KIAA1614: variants seen among roughly 807,000 people sequenced by gnomAD.
KIAA1614 encodes the protein KIAA1614.
A neutral mutation model predicts 88.7 loss-of-function variants in KIAA1614; 76 were observed. The observed-to-expected ratio is 0.86, with a 90% CI of 0.71 to 1.04. The LOEUF (loss-of-function observed/expected upper bound fraction) is 1.04, where lower values mean the gene tolerates loss of function less well. Ranked by LOEUF, KIAA1614 falls within the 50% of genes least tolerant of loss-of-function variation. KIAA1614 has a pLI of 0.00. For missense variants in KIAA1614, 1,553 were observed against 1,582.5 expected, an observed-to-expected ratio of 0.98 and a Z score of 0.32; for synonymous variants, 714 against 675.5, an observed-to-expected ratio of 1.06 and a Z score of -0.88.
At chr1:180,936,725 A>G (rs1654344919) in intron 5 of KIAA1614, 55 bp downstream of exon 5, 1 of 1,210,100 alleles carries the variant, frequency 8.3e-7, no homozygotes, top group Non-Finnish European at 1.1e-6. Flanking sequence ...GTTCTACAGC[A>G]GACGCCCAGA....
rs1654612377 is a variant in KIAA1614 at position 180,947,026 on chromosome 1, T to C, written c.*1438T>C. The C allele has an allele frequency of 6.6e-6, 1 of 152,286 alleles. No individual in the cohort carries two copies. The highest frequency in any genetic ancestry group is 6.5e-5 in the Admixed American group (1 of 15,288). 9.4% of individuals were successfully genotyped at this position (152,286 alleles called of 1,614,324 possible). A position where few individuals can be genotyped will look rare whatever the true frequency, so the allele number is the denominator to read the frequency against. ...AAAGCAGGTGTGGCAGGTGCTGGTA[T>C]AGACAGGAGTGTGGGGAGGCTTTTC... On this transcript the variant is annotated 3_prime_UTR_variant, in exon 9 of 9. Transcript: ENST00000367588.
At chr1:180,924,808 T>G (rs1378198382) in intron 3 of KIAA1614, among the ~76,000 whole-genome samples, 1 of 151,922 alleles carries the variant, frequency 6.6e-6, no homozygotes, top group Non-Finnish European at 1.5e-5. Context: ...CAGGTGACTT[T>G]AGTACATATT....
intron 4 of KIAA1614, among the ~76,000 whole-genome samples, chr1:180,929,254 G>A (rs1376261144): frequency 6.6e-6 from 1 of 152,218 alleles, no homozygotes. Flanking sequence ...AGTGAGTGCT[G>A]CAGGACTGTG....
rs1654316956 is a variant in KIAA1614 at position 180,935,752 on chromosome 1, A to G, written c.1843A>G (p.Thr615Ala). 6.2e-7 allele frequency: 1 copy of G among 1,613,774 alleles called. No individual in the cohort carries two copies. Among genetic ancestry groups the G allele is most frequent in the Non-Finnish European group, 8.5e-7 (1 of 1,179,962 alleles). ...PAEVDSALDS[T>A]DNSDNCRTDS... is the part of the protein sequence containing the mutation. ...GGAGGTGGACTCTGCCCTGGACAGC[A>G]CAGACAACTCTGACAACTGCAGGAC... is the stretch of plus-strand genomic sequence containing the variant. Residue 615 changes from threonine to alanine, a missense_variant, in exon 5 of 9, where the codon ACA becomes GCA. Thr to Ala is a moderately conservative substitution (Grantham distance 58, BLOSUM62 0). Transcript: ENST00000367588. The surrounding 1 kb of genome is among the most constrained non-coding windows in gnomAD (Gnocchi z 6.1).
Position 180,913,143 on chromosome 1 carries a change from A to C in KIAA1614, c.-101A>C, listed in dbSNP as rs1653692137. 1.1e-6 allele frequency: 1 copy of C among 948,758 alleles called. No individual in the cohort carries two copies. The highest frequency in any genetic ancestry group is 1.4e-6 in the Non-Finnish European group (1 of 725,668). 58.8% of individuals were successfully genotyped at this position (948,758 alleles called of 1,614,324 possible). On this transcript the variant is annotated 5_prime_UTR_variant, in exon 1 of 9. Transcript: ENST00000367588. ...CCGAGGGGCGAGGCCTGCGGGCCGC[A>C]CTCCCTCCGGCCCCGGATTCGGGGC...
At chr1:180,938,743 A>G in intron 6 of KIAA1614, 32 bp downstream of exon 6, 3 of 1,608,826 alleles carry the variant, frequency 1.9e-6, no homozygotes, top group Non-Finnish European at 1.7e-6. Flanking sequence ...CAGATTGCAG[A>G]AGGAGGTGGG....
Position 180,935,941 on chromosome 1 carries a change from C to T in KIAA1614, c.2032C>T (p.Pro678Ser). 6.2e-7 allele frequency: 1 copy of T among 1,614,024 alleles called. No homozygotes were observed. The highest frequency in any genetic ancestry group is 8.5e-7 in the Non-Finnish European group (1 of 1,179,920). The change falls in exon 5 of 9, where the codon CCT becomes TCT. Residue 678 changes from proline to serine, a missense_variant. Physicochemically the swap from Pro to Ser is moderately conservative, Grantham distance 74 (BLOSUM62 -1). Coordinates refer to ENST00000367588, the MANE Select transcript of KIAA1614 (RefSeq NM_020950.2). The surrounding 1 kb of genome is among the most constrained non-coding windows in gnomAD (Gnocchi z 6.1). ...GGGCCTTCAGGCCCAGCAACACCTG[C>T]CTAGGGCTGATGATGTGGAGGTGGA... Reference protein sequence around the residue: ...PWGLQAQQHLPRADDVEVENE... With the variant: ...PWGLQAQQHLSRADDVEVENE...
chr1:180,923,185 A>T (rs1333700806), intron 3 of KIAA1614, among the ~76,000 whole-genome samples: 2 of 152,160 alleles, frequency 1.3e-5, no homozygotes, highest in Non-Finnish European at 2.9e-5. Flanking sequence ...AGGCCTCATT[A>T]TGTAGGCATG....
rs536565441 is a variant in KIAA1614, at chr1:180,935,940, G to T, written c.2031G>T (p.Leu677=). ...GGGGCCTTCAGGCCCAGCAACACCT[G>T]CCTAGGGCTGATGATGTGGAGGTGG... ...LPWGLQAQQH[L]PRADDVEVEN... The change falls in exon 5 of 9, where the codon CTG becomes CTT. Residue 677 remains leucine, a synonymous_variant. Transcript: ENST00000367588. The surrounding 1 kb of genome is among the most constrained non-coding windows in gnomAD (Gnocchi z 6.1). 36 of 1,614,026 alleles carry T rather than the reference G, an allele frequency of 2.2e-5. No homozygotes were observed. Among genetic ancestry groups the T allele is most frequent in the Non-Finnish European group, 3.0e-5 (35 of 1,179,932 alleles).
At position 180,936,160 on chromosome 1, in the gene KIAA1614, GC is replaced by G; in HGVS notation, c.2256del (p.Met753Ter). ...TPCRTAYATT[A>X]PMTPESSGPG... The stretch of plus-strand genomic sequence containing the variant: ...ATGCAGGACAGCCTATGCCACCACC[GC>G]CCCCATGACGCCTGAATCATCGGGG... On this transcript the variant is annotated frameshift_variant, in exon 5 of 9. Transcript: ENST00000367588. LOFTEE classifies it high-confidence loss of function. The G allele has an allele frequency of 6.2e-7, 1 of 1,614,080 alleles. No homozygotes were observed. The highest frequency in any genetic ancestry group is 8.5e-7 in the Non-Finnish European group (1 of 1,180,004).
At chr1:180,937,170 C>A (rs10753228) in intron 5 of KIAA1614, among the ~76,000 whole-genome samples, 63,625 of 152,206 alleles carry the variant, frequency 0.42, 13,616 homozygotes, top group South Asian at 0.53. Context: ...TCATTCCTTC[C>A]GCATTGGCTG....
chr1:180,919,241 G>T (rs1571283990), intron 3 of KIAA1614, among the ~76,000 whole-genome samples: 1 of 152,222 alleles, frequency 6.6e-6, no homozygotes, highest in African/African-American at 2.4e-5. Context: ...CTTGCCTAAG[G>T]GCCTGATGGA....
rs1653801091 is a variant in KIAA1614, at chr1:180,916,445, G to C, written c.342G>C (p.Lys114Asn). 2 of 1,614,090 alleles carry C rather than the reference G, an allele frequency of 1.2e-6. No homozygotes were observed. The highest frequency in any genetic ancestry group is 1.7e-6 in the Non-Finnish European group (2 of 1,180,046). The change falls in exon 2 of 9, where the codon AAG becomes AAC. Residue 114 changes from lysine (K) to asparagine (N), a missense_variant. By Grantham distance (94) the Lys-to-Asn change is moderately conservative. Transcript: ENST00000367588. ...CSASQEWSSP[K>N]KPQCRRGKAG... ...CTTCCCAAGAGTGGTCATCCCCCAA[G>C]AAACCCCAATGCAGACGAGGCAAGG...
chr1:180,925,998 A>C (rs1418693333), intron 3 of KIAA1614, among the ~76,000 whole-genome samples: 1 of 152,142 alleles, frequency 6.6e-6, no homozygotes, highest in African/African-American at 2.4e-5. Flanking sequence ...AGATGGGGAA[A>C]CTGAGGCCCA....
intron 4 of KIAA1614, among the ~76,000 whole-genome samples, chr1:180,934,270 AG>A (rs1408830295): frequency 0.012 from 1,350 of 111,470 alleles, 24 homozygotes; most frequent in African/African-American, 0.044. Flanking sequence ...AAAAAAAAAA[AG>A]AAAAGAAAAG....
intron 8 of KIAA1614, 45 bp from the exon 9 acceptor site, chr1:180,945,258 T>C: frequency 6.4e-7 from 1 of 1,552,412 alleles, no homozygotes; most frequent in Non-Finnish European, 8.6e-7. Flanking sequence ...CTGTGCCCAG[T>C]GCCTGATGCT....
At position 180,935,269 on chromosome 1, in the gene KIAA1614, G is replaced by A; in HGVS notation, c.1360G>A (p.Asp454Asn). 1 of 1,519,204 alleles carries A rather than the reference G, an allele frequency of 6.6e-7. No homozygotes were observed. Among genetic ancestry groups the A allele is most frequent in the Non-Finnish European group, 8.8e-7 (1 of 1,136,926 alleles). The allele number at this position is 1,519,204 out of a possible 1,614,324, so 94.1% of individuals were successfully genotyped here. ...GPSPSHVRFE[D>N]ESAREAEFRH... ...CTCGCCGTCGCACGTGCGCTTTGAG[G>A]ATGAGTCCGCCCGCGAAGCCGAGTT... Residue 454 changes from aspartate (D) to asparagine (N), a missense_variant, in exon 5 of 9, where the codon GAT becomes AAT. Coordinates refer to ENST00000367588, the MANE Select transcript of KIAA1614 (RefSeq NM_020950.2). This position sits in a 1 kb window ranked among gnomAD's most constrained non-coding sequence, Gnocchi z 6.1.
chr1:180,945,485 C>A lies in KIAA1614; in HGVS notation c.3470C>A (p.Ser1157Ter), dbSNP rs780970607. 1.2e-6 allele frequency: 2 copies of A among 1,613,366 alleles called. No individual in the cohort carries two copies. Among genetic ancestry groups the A allele is most frequent in the Non-Finnish European group, 1.7e-6 (2 of 1,179,880 alleles). ...CVASGNGRPD[S>*]GMPSPLPQPH... ...GCCTCTGGGAATGGGCGCCCAGACT[C>A]AGGTATGCCCTCTCCTCTTCCTCAG... Residue 1157 changes from serine (S) to a stop codon, truncating the protein, a stop_gained, in exon 9 of 9, where the codon TCA becomes TAA. Coordinates refer to ENST00000367588, the MANE Select transcript of KIAA1614 (RefSeq NM_020950.2). LOFTEE classifies it low-confidence loss of function (END_TRUNC).
intron 3 of KIAA1614, among the ~76,000 whole-genome samples, chr1:180,926,914 C>A (rs1337509685): frequency 1.3e-5 from 2 of 152,214 alleles, no homozygotes; most frequent in African/African-American, 4.8e-5. Context: ...CAGTAAAGCC[C>A]TCCTTGTTCC....
Sources: allele counts gnomAD v4.1 joint callset (sites outside exome capture counted in the v4.1 genomes callset), GRCh38; gene constraint gnomAD v4.1.1; non-coding constraint Gnocchi (gnomAD v3.1); transcripts MANE v1.5; gene names NCBI Gene and HGNC (gene_info 2026-07-23, HGNC 2026-07-21).